Variants in TSBP1 observed in about 807,000 individuals in gnomAD.
TSBP1 encodes the protein testis-expressed basic protein 1.
In TSBP1, 56 loss-of-function variants were observed where a neutral mutation model predicts 68.8. The ratio of observed to expected loss-of-function variants is 0.81; its 90% CI spans 0.66 to 1.02. The LOEUF is 1.02. Among genes scored for constraint, TSBP1 ranks in the 50% least tolerant of loss-of-function variants. The pLI, the probability that TSBP1 is intolerant of heterozygous loss-of-function variation, is 0.00. For synonymous variants in TSBP1, 171 were observed against 208.7 expected (o/e 0.82, Z 1.56); for missense variants, 502 against 641.2 (o/e 0.78, Z 2.34).
At chr6:32,362,025 T>G (rs1773084761) in intron 6 of TSBP1, among the ~76,000 whole-genome samples, 1 of 151,878 alleles carries the variant, frequency 6.6e-6, no homozygotes, top group Admixed American at 6.6e-5. Context: ...GCGCGGTGGC[T>G]CAAGCCTGTA....
In TSBP1 at chr6:32,361,513, C is replaced by T. The variant is rs1405707295; in HGVS notation, c.217+4654G>A. Among the ~76,000 whole-genome samples, 1 of 152,144 alleles carries T rather than the reference C, an allele frequency of 6.6e-6. No homozygotes were observed. Among genetic ancestry groups the T allele is most frequent in the Non-Finnish European group, 1.5e-5 (1 of 68,018 alleles). The stretch of plus-strand genomic sequence containing the variant: ...TCCCACCAACATTGTAAAAACATTC[C>T]TATTTCTCCATATCCTCTCCAGCAC... On this transcript the variant is annotated intron_variant, in intron 6 of 22. Transcript: ENST00000612031. The surrounding 1 kb of genome is among the most constrained non-coding windows in gnomAD (Gnocchi z 4.3).
intron 15 of TSBP1, 70 bp downstream of exon 16, chr6:32,331,964 G>A (rs1769072724): frequency 1.8e-6 from 2 of 1,086,330 alleles, no homozygotes; most frequent in South Asian, 2.6e-5. Context: ...TACTTAAACA[G>A]TTGGAGCCAG....
chr6:32,349,648 G>A, intron 9 of TSBP1, 92 bp downstream of exon 9: 1 of 741,480 alleles, frequency 1.3e-6, no homozygotes, highest in South Asian at 1.6e-5. Context: ...CTGCTGTGCT[G>A]CAGCGAAGAA....
chr6:32,328,014 C>T (rs1768464691), intron 16 of TSBP1, among the ~76,000 whole-genome samples: 1 of 151,774 alleles, frequency 6.6e-6, no homozygotes, highest in Non-Finnish European at 1.5e-5. Flanking sequence ...CTGTGTTAGC[C>T]AGGATGGTCT....
rs977906120 is a variant in TSBP1, at chr6:32,338,742, T to G, written c.409+237A>C. On this transcript the variant is annotated intron_variant, in intron 11 of 22. Transcript: ENST00000612031. This position sits in a 1 kb window ranked among gnomAD's most constrained non-coding sequence, Gnocchi z 5.5. ...CTTCCTTTCACTTGACCATTTTTTG[T>G]TCTTCACTCTTTTCCCTTTGCTGTT... 2.0e-5 allele frequency among the ~76,000 whole-genome samples: 3 copies of G among 152,202 alleles called. No homozygotes were observed. In the East Asian group the frequency reaches 5.8e-4, roughly 29 times the overall value.
intron 19 of TSBP1, among the ~76,000 whole-genome samples, chr6:32,312,303 A>G (rs1668634286): frequency 6.6e-6 from 1 of 152,174 alleles, no homozygotes; most frequent in Admixed American, 6.5e-5. Flanking sequence ...CAGCCTCAAC[A>G]GTGGGAATTA....
At chr6:32,293,622 C>G (rs1412333557) in exon 23 of TSBP1, 3 of 1,613,016 alleles carry the variant, frequency 1.9e-6, no homozygotes, top group Non-Finnish European at 2.5e-6. Context: ...GTTACTTGGG[C>G]TTCTTGTCCT....
intron 8 of TSBP1, among the ~76,000 whole-genome samples, chr6:32,352,376 G>A (rs3132963): frequency 0.83 from 126,226 of 151,756 alleles, 52,612 homozygotes; most frequent in South Asian, 0.92. Flanking sequence ...TTAAAGAAAA[G>A]TTAAATAGTA....
intron 9 of TSBP1, among the ~76,000 whole-genome samples, chr6:32,341,939 G>GA (rs1014387932): frequency 6.6e-6 from 1 of 151,210 alleles, no homozygotes; most frequent in African/African-American, 2.4e-5. Flanking sequence ...ACATAGATCA[G>GA]AAAAAAAACC....
At position 32,316,646 on chromosome 6, in the gene TSBP1, A is replaced by T. The variant is rs495140; in HGVS notation, c.560-854T>A. Reference sequence around the variant, plus strand: ...AGTGATTCTAAGGATTAAATGGGATAATGTAATTAAAGCACCTATATAATT... The same window carrying T: ...AGTGATTCTAAGGATTAAATGGGATTATGTAATTAAAGCACCTATATAATT... On this transcript the variant is annotated intron_variant, in intron 18 of 22. Transcript: ENST00000612031. This position sits in a 1 kb window ranked among gnomAD's most constrained non-coding sequence, Gnocchi z 4.5. 0.33 allele frequency among the ~76,000 whole-genome samples: 50,918 copies of T among 152,060 alleles called. 9,627 individuals carry two copies. Among genetic ancestry groups the T allele is most frequent in the Middle Eastern group, 0.52 (153 of 294 alleles).
intron 18 of TSBP1, chr6:32,320,282 T>A (rs925650851): frequency 4.4e-6 from 2 of 454,776 alleles, no homozygotes; most frequent in Non-Finnish European, 8.8e-6. Context: ...GTAGCACACC[T>A]CCAGCAGGGC....
rs1768170015 is a variant in TSBP1 at position 32,325,934 on chromosome 6, G to A, written c.515-2320C>T. On this transcript the variant is annotated intron_variant, in intron 16 of 22. Coordinates refer to ENST00000612031, the Ensembl canonical transcript of TSBP1. This position sits in a 1 kb window ranked among gnomAD's most constrained non-coding sequence, Gnocchi z 4.4. ...TGTGGTGGTGGTGGATATGGTGGCA[G>A]TGAGGATGGCTATAATGGATTTGGT... 3.2e-6 allele frequency: 5 copies of A among 1,559,352 alleles called. No homozygotes were observed. Among genetic ancestry groups the A allele is most frequent in the Non-Finnish European group, 1.7e-6 (2 of 1,145,150 alleles).
intron 18 of TSBP1, among the ~76,000 whole-genome samples, chr6:32,319,483 C>T (rs563045): frequency 6.6e-6 from 1 of 152,080 alleles, no homozygotes; most frequent in Non-Finnish European, 1.5e-5. Flanking sequence ...CTTCAGTTGC[C>T]TCTCATGACA....
intron 18 of TSBP1, among the ~76,000 whole-genome samples, chr6:32,318,167 A>C (rs1413468834): frequency 6.6e-6 from 1 of 152,190 alleles, no homozygotes; most frequent in African/African-American, 2.4e-5. Flanking sequence ...ATGGAGCTGG[A>C]GGGCGTTATC....
rs1766696978 is a variant in TSBP1 at position 32,314,051 on chromosome 6, C to T, written c.580+1721G>A. Among the ~76,000 whole-genome samples, 1 of 152,124 alleles carries T rather than the reference C, an allele frequency of 6.6e-6. No homozygotes were observed. ...TGAGGCAAAGCTGCTACCTCTGTTT[C>T]CTCATCCCCTCACCATTCCTCCCAA... On this transcript the variant is annotated intron_variant, in intron 19 of 22. Coordinates refer to ENST00000612031, the Ensembl canonical transcript of TSBP1. The surrounding 1 kb of genome is among the most constrained non-coding windows in gnomAD (Gnocchi z 4.2).
intron 22 of TSBP1, among the ~76,000 whole-genome samples, chr6:32,295,346 ACAC>A (rs147993948): frequency 5.3e-4 from 45 of 85,568 alleles, no homozygotes; most frequent in East Asian, 1.2e-3. Context: ...ACACACACAC[ACAC>A]AAAAAAAAAA....
exon 1 of TSBP1, chr6:32,371,784 C>T: frequency 6.4e-7 from 1 of 1,558,980 alleles, no homozygotes; most frequent in South Asian, 1.1e-5. Flanking sequence ...AAACGAAAAA[C>T]TCAAGTTCAC....
In TSBP1 at chr6:32,338,433, C is replaced by T. The variant is rs149577335; in HGVS notation, c.409+546G>A. On this transcript the variant is annotated intron_variant, in intron 11 of 22. Transcript: ENST00000612031. This position sits in a 1 kb window ranked among gnomAD's most constrained non-coding sequence, Gnocchi z 5.5. ...TTTTTTTCCTTTTTAAATCAACTTC[C>T]TCTCACTTATTCCTTATTCTCTATT... is the stretch of plus-strand genomic sequence containing the variant. 3.7e-4 allele frequency among the ~76,000 whole-genome samples: 56 copies of T among 152,210 alleles called. No individual in the cohort carries two copies. The highest frequency in any genetic ancestry group is 1.3e-3 in the African/African-American group (55 of 41,542).
At chr6:32,355,722 A>C in intron 6 of TSBP1, 53 bp from the exon 7 acceptor site, 1 of 1,564,616 alleles carries the variant, frequency 6.4e-7, no homozygotes, top group Non-Finnish European at 8.6e-7. Context: ...CTATTTCTGT[A>C]GTTTTGGTAT....
Sources: allele counts gnomAD v4.1 joint callset (sites outside exome capture counted in the v4.1 genomes callset), GRCh38; gene constraint gnomAD v4.1.1; non-coding constraint Gnocchi (gnomAD v3.1); transcripts MANE v1.5; gene names NCBI Gene and HGNC (gene_info 2026-07-23, HGNC 2026-07-21).